PHC3: variants seen among roughly 807,000 people sequenced by gnomAD.
PHC3 encodes the protein polyhomeotic homolog 3, also known as polyhomeotic-like protein 3.
In PHC3, 13 loss-of-function variants were observed where a neutral mutation model predicts 107.4. That is an observed-to-expected ratio of 0.12 (90% CI 0.08 to 0.19). The LOEUF is 0.19. Ranked by LOEUF, PHC3 falls within the 10% of genes least tolerant of loss-of-function variation. The pLI is 1.00. For missense variants in PHC3, 992 were observed against 1,210.9 expected, an observed-to-expected ratio of 0.82 and a Z score of 2.68; for synonymous variants, 456 against 427.4, an observed-to-expected ratio of 1.07 and a Z score of -0.83.
chr3:170,138,322 T>C (rs1275062763), intron 6 of PHC3, among the ~76,000 whole-genome samples: 2 of 152,224 alleles, frequency 1.3e-5, no homozygotes, highest in African/African-American at 2.4e-5. Context: ...TCTTCTCTGA[T>C]TTTTCTCAAA....
chr3:170,140,913 T>A (rs1204067946), intron 6 of PHC3, among the ~76,000 whole-genome samples: 1 of 152,154 alleles, frequency 6.6e-6, no homozygotes, highest in Non-Finnish European at 1.5e-5. Context: ...CTTAACACAC[T>A]CTGCCCTATA....
rs374858861 is a variant in PHC3 at position 170,129,096 on chromosome 3, G to A, written c.1376C>T (p.Thr459Ile). The change falls in exon 8 of 15, where the codon ACA becomes ATA. Residue 459 changes from threonine to isoleucine, a missense_variant. Physicochemically the swap from Thr to Ile is moderately conservative, Grantham distance 89. Transcript: ENST00000495893. Reference protein sequence around the residue: ...QQSTANQVQATAQLNLPSHLP... With the variant: ...QQSTANQVQAIAQLNLPSHLP... Reference sequence around the variant, plus strand: ...ATGGGATGGAAGATTCAACTGTGCTGTAGCTTGCACCTGATTAGCAGTGGA... The same window carrying A: ...ATGGGATGGAAGATTCAACTGTGCTATAGCTTGCACCTGATTAGCAGTGGA... The A allele has an allele frequency of 3.7e-6, 6 of 1,612,212 alleles. No homozygotes were observed. Among genetic ancestry groups the A allele is most frequent in the Non-Finnish European group, 3.4e-6 (4 of 1,179,104 alleles).
chr3:170,175,514 T>C (rs1730285785), intron 2 of PHC3, among the ~76,000 whole-genome samples: 1 of 151,800 alleles, frequency 6.6e-6, no homozygotes, highest in African/African-American at 2.4e-5. Context: ...CATGTGCCTG[T>C]AGTCTCAACT....
intron 10 of PHC3, among the ~76,000 whole-genome samples, chr3:170,116,690 T>C (rs1250747752): frequency 6.6e-6 from 1 of 151,932 alleles, no homozygotes; most frequent in Non-Finnish European, 1.5e-5. Context: ...TCCCAGCACT[T>C]TGGGACCCCA....
rs1713631281 is a variant in PHC3, at chr3:170,087,678, T to C, written c.*9552A>G. The C allele has an allele frequency of 6.6e-6, 1 of 152,174 alleles. No homozygotes were observed. The highest frequency in any genetic ancestry group is 1.5e-5 in the Non-Finnish European group (1 of 68,004). The allele number at this position is 152,174 out of a possible 1,614,324, so 9.4% of individuals were successfully genotyped here. On this transcript the variant is annotated 3_prime_UTR_variant, in exon 15 of 15. Transcript: ENST00000495893. ...TAAACAATATAAATAAATGATCCTG[T>C]AGGCCCACTAATCTTCCATCCAGAC...
At chr3:170,105,798 T>C (rs1408329353) in intron 12 of PHC3, among the ~76,000 whole-genome samples, 1 of 152,218 alleles carries the variant, frequency 6.6e-6, no homozygotes, top group African/African-American at 2.4e-5. Context: ...ACTTCAACTT[T>C]AGTGGTAAGT....
At position 170,153,880 on chromosome 3, in the gene PHC3, T is replaced by C. The variant is rs550075980; in HGVS notation, c.415-4636A>G. 2.0e-5 allele frequency among the ~76,000 whole-genome samples: 3 copies of C among 152,210 alleles called. No individual in the cohort carries two copies. The South Asian group carries it at 6.2e-4, about 32-fold the overall frequency. ...TCCCATTACCATAGCAAGGTATGTG[T>C]AGTATCATGATCTCAGTCCTCTATG... On this transcript the variant is annotated intron_variant, in intron 4 of 14. Transcript: ENST00000495893.
At chr3:170,161,817 A>C (rs1270468228) in intron 4 of PHC3, among the ~76,000 whole-genome samples, 1 of 152,208 alleles carries the variant, frequency 6.6e-6, no homozygotes, top group African/African-American at 2.4e-5. Flanking sequence ...GTAGCAGAGA[A>C]ATTGCCAGTG....
At chr3:170,125,016 A>T (rs1391023704) in intron 8 of PHC3, among the ~76,000 whole-genome samples, 3 of 152,218 alleles carry the variant, frequency 2.0e-5, no homozygotes, top group Non-Finnish European at 4.4e-5. Flanking sequence ...GGATAATTTT[A>T]TATCAAACAT....
chr3:170,155,001 T>C (rs1334831842), intron 4 of PHC3, among the ~76,000 whole-genome samples: 1 of 152,206 alleles, frequency 6.6e-6, no homozygotes, highest in Non-Finnish European at 1.5e-5. Flanking sequence ...TGACCAATCC[T>C]GTCACTTCAT....
chr3:170,181,599 C>CG (rs1731447152), intron 1 of PHC3, 103 bp downstream of exon 1: 1 of 1,555,608 alleles, frequency 6.4e-7, no homozygotes. Flanking sequence ...TCTCTTTCCC[C>CG]ACACTGCCCG....
At chr3:170,111,241 C>A (rs189258577) in intron 11 of PHC3, among the ~76,000 whole-genome samples, 2 of 138,556 alleles carry the variant, frequency 1.4e-5, no homozygotes, top group African/African-American at 2.7e-5. Flanking sequence ...CCGGTGACTA[C>A]GATTTTCTTT....
chr3:170,181,666 C>T (rs199580456), intron 1 of PHC3, 36 bp downstream of exon 1: 6 of 1,613,350 alleles, frequency 3.7e-6, no homozygotes, highest in South Asian at 2.2e-5. Context: ...ACTCGCCCCC[C>T]CTAGTTACGA....
At chr3:170,181,506 G>A (rs909604796) in intron 1 of PHC3, among the ~76,000 whole-genome samples, 196 bp downstream of exon 1, 1 of 152,156 alleles carries the variant, frequency 6.6e-6, no homozygotes, top group Non-Finnish European at 1.5e-5. Context: ...CTCCTGCCTG[G>A]AGGGTAACTG....
At chr3:170,109,513 A>G (rs1011566205) in intron 11 of PHC3, among the ~76,000 whole-genome samples, 3 of 152,190 alleles carry the variant, frequency 2.0e-5, no homozygotes, top group Non-Finnish European at 4.4e-5. Context: ...ATGTCAGAGA[A>G]AATTAAATTC....
chr3:170,173,842 C>G (rs1275091193), intron 2 of PHC3, among the ~76,000 whole-genome samples: 2 of 152,150 alleles, frequency 1.3e-5, no homozygotes, highest in African/African-American at 2.4e-5. Flanking sequence ...CTACTTCATA[C>G]TCTTCTATAG....
At chr3:170,146,877 C>CTTT (rs1035803336) in intron 5 of PHC3, among the ~76,000 whole-genome samples, 75 of 97,982 alleles carry the variant, frequency 7.7e-4, no homozygotes, top group African/African-American at 9.3e-4. Flanking sequence ...TCTATTTTTT[C>CTTT]TTTTTTTTTT....
At chr3:170,140,333 A>T (rs1723836693) in intron 6 of PHC3, among the ~76,000 whole-genome samples, 2 of 151,796 alleles carry the variant, frequency 1.3e-5, no homozygotes, top group African/African-American at 4.8e-5. Flanking sequence ...AGCTCACTGC[A>T]ACCTCCACCT....
chr3:170,130,626 C>A (rs965287753), intron 7 of PHC3, among the ~76,000 whole-genome samples: 3 of 150,414 alleles, frequency 2.0e-5, no homozygotes, highest in Non-Finnish European at 4.4e-5. Flanking sequence ...TTTCCCTCAC[C>A]AAAAAAAAAC....
Sources: gnomAD v4.1 joint callset for allele counts (sites outside exome capture counted in the v4.1 genomes callset) on GRCh38, gnomAD v4.1.1 for gene constraint, MANE v1.5 for transcripts, NCBI Gene and HGNC (gene_info 2026-07-23, HGNC 2026-07-21) for gene names.